FANCB: variants seen among roughly 807,000 people sequenced by gnomAD.
FANCB encodes the protein FA complementation group B.
FANCB carries 5 observed loss-of-function variants against 38.9 expected under a neutral mutation model. That is an observed-to-expected ratio of 0.13 (90% CI 0.07 to 0.27). FANCB has a LOEUF of 0.27. FANCB is among the 10% of genes least tolerant of loss of function. FANCB has a pLI of 1.00. For synonymous variants in FANCB, 236 were observed against 215.4 expected (o/e 1.10, Z -0.84); for missense variants, 573 against 602.7 (o/e 0.95, Z 0.52).
intron 3 of FANCB, among the ~76,000 whole-genome samples, chrX:14,863,306 T>C (rs1160197187): frequency 1.8e-5 from 2 of 112,608 alleles, no homozygotes; most frequent in African/African-American, 6.5e-5. Context: ...TCTAATTAAA[T>C]GGATAGGGCA....
At chrX:14,864,404 C>A (rs767344979) in intron 3 of FANCB, among the ~76,000 whole-genome samples, 156 bp downstream of exon 3, 1 of 111,065 alleles carries the variant, frequency 9.0e-6, no homozygotes, top group African/African-American at 3.3e-5. Context: ...ACTCAGATAA[C>A]CTTAAGAAAA....
At chrX:14,690,677 C>G in the FANCB span, 1,265 of 754,305 alleles carry the variant, frequency 1.7e-3, 4 homozygotes, top group African/African-American at 0.015. Context: ...CTCTCTCTCT[C>G]TGTGTGTGTG....
rs183454503 is a variant in FANCB at position 14,867,819 on chromosome X, C to A, written c.-71+1104G>T. Among the ~76,000 whole-genome samples the A allele has an allele frequency of 5.6e-5, 6 of 106,369 alleles. No homozygotes were observed. In the East Asian group the frequency reaches 1.5e-3, roughly 26 times the overall value. 92.4% of individuals were successfully genotyped at this position (106,369 alleles called of 115,157 possible). ...CAAAATGTAAGAAAACATTTGCAAA[C>A]TATACATCTGACAGGGGATTAATAT... is the stretch of plus-strand genomic sequence containing the variant. On this transcript the variant is annotated intron_variant, in intron 2 of 9. Transcript: ENST00000650831.
chrX:14,823,806 A>G, the FANCB span, among the ~76,000 whole-genome samples: 1 of 111,638 alleles, frequency 9.0e-6, no homozygotes, highest in Non-Finnish European at 1.9e-5. Context: ...CATTCCAGAA[A>G]GTTTCCATGA....
At chrX:14,728,723 C>T in the FANCB span, among the ~76,000 whole-genome samples, 2 of 112,350 alleles carry the variant, frequency 1.8e-5, no homozygotes, top group Non-Finnish European at 3.8e-5. Flanking sequence ...TCTTCATTTT[C>T]AGGCTGCATG....
At chrX:14,797,953 T>C in the FANCB span, among the ~76,000 whole-genome samples, 2 of 110,573 alleles carry the variant, frequency 1.8e-5, no homozygotes, top group Non-Finnish European at 3.8e-5. Context: ...CATCCACTCT[T>C]GTGTCTCTTA....
At chrX:14,869,909 T>C (rs1023254207) in intron 1 of FANCB, among the ~76,000 whole-genome samples, 1 of 112,276 alleles carries the variant, frequency 8.9e-6, no homozygotes. Flanking sequence ...TCTAAAAACA[T>C]AAATGACTAT....
the FANCB span, among the ~76,000 whole-genome samples, chrX:14,777,900 C>T: frequency 1.5e-3 from 171 of 111,871 alleles, no homozygotes; most frequent in Middle Eastern, 4.6e-3. Flanking sequence ...CCTTTGGAGA[C>T]TTGTTATAAG....
the FANCB span, chrX:14,730,689 G>A: frequency 1.2e-5 from 5 of 409,489 alleles, no homozygotes; most frequent in Non-Finnish European, 1.3e-5. Context: ...TTAAGGGGTT[G>A]CAGAATCACG....
intron 7 of FANCB, among the ~76,000 whole-genome samples, chrX:14,849,906 A>G (rs1220347560): frequency 5.3e-5 from 6 of 112,463 alleles, no homozygotes; most frequent in Non-Finnish European, 7.5e-5. Context: ...AAATGTGGCT[A>G]GTTGGAATTG....
At chrX:14,726,958 T>C in the FANCB span, among the ~76,000 whole-genome samples, 4 of 110,947 alleles carry the variant, frequency 3.6e-5, no homozygotes, top group Admixed American at 3.8e-4. Flanking sequence ...AGCTGTAATT[T>C]GCAAGATTCT....
the FANCB span, among the ~76,000 whole-genome samples, chrX:14,715,566 A>G: frequency 6.3e-5 from 7 of 111,623 alleles, no homozygotes; most frequent in Non-Finnish European, 9.4e-5. Flanking sequence ...CATTATGGAG[A>G]CATGTACTAC....
chrX:14,736,173 C>T, the FANCB span, among the ~76,000 whole-genome samples: 1 of 110,988 alleles, frequency 9.0e-6, no homozygotes, highest in Non-Finnish European at 1.9e-5. Flanking sequence ...TGCTGGGCTC[C>T]GTGGGGGTGG....
At chrX:14,736,062 A>T in the FANCB span, among the ~76,000 whole-genome samples, 8 of 111,287 alleles carry the variant, frequency 7.2e-5, no homozygotes, top group East Asian at 1.7e-3. Context: ...CTCAAGCCTC[A>T]GTAATGGCGG....
intron 3 of FANCB, among the ~76,000 whole-genome samples, chrX:14,860,232 T>G (rs1450325278): frequency 9.0e-6 from 1 of 111,713 alleles, no homozygotes; most frequent in African/African-American, 3.3e-5. Flanking sequence ...TACAGGAAGG[T>G]AGCTCACATT....
At chrX:14,702,583 T>A in the FANCB span, among the ~76,000 whole-genome samples, 1 of 111,744 alleles carries the variant, frequency 8.9e-6, no homozygotes, top group East Asian at 2.8e-4. Flanking sequence ...AACACAGGTG[T>A]CTTATCATTG....
the FANCB span, among the ~76,000 whole-genome samples, chrX:14,729,590 T>C: frequency 1.8e-5 from 2 of 111,691 alleles, no homozygotes; most frequent in African/African-American, 6.5e-5. Context: ...AAATCAACAC[T>C]GGAAAAATTA....
the FANCB span, among the ~76,000 whole-genome samples, chrX:14,801,502 T>C: frequency 8.9e-6 from 1 of 112,289 alleles, no homozygotes; most frequent in Admixed American, 9.4e-5. Context: ...AATCATTTGA[T>C]GGGTTATAAA....
chrX:14,858,668 T>G (rs924210870), intron 4 of FANCB, among the ~76,000 whole-genome samples: 2 of 111,311 alleles, frequency 1.8e-5, no homozygotes, highest in Non-Finnish European at 1.9e-5. Flanking sequence ...ATTAGCTTTT[T>G]AAAAAATCCT....
Sources: allele counts gnomAD v4.1 joint callset (sites outside exome capture counted in the v4.1 genomes callset), GRCh38; gene constraint gnomAD v4.1.1; transcripts MANE v1.5; gene names NCBI Gene and HGNC (gene_info 2026-07-23, HGNC 2026-07-21).